The following PCDHGB1 variants were observed in gnomAD, a reference collection of about 807,000 sequenced individuals.
PCDHGB1 encodes protocadherin gamma subfamily B, 1.
In PCDHGB1, 34 loss-of-function variants were observed where a neutral mutation model predicts 56.6. The observed-to-expected ratio is 0.60, with a 90% CI of 0.46 to 0.80. The LOEUF is 0.80. PCDHGB1 is among the 30% of genes least tolerant of loss of function. PCDHGB1 has a pLI of 0.00. For missense variants in PCDHGB1, 1,278 were observed against 1,204.6 expected (o/e 1.06, Z -0.90); for synonymous variants, 561 against 505.9 (o/e 1.11, Z -1.46).
At chr5:141,467,393 T>C (rs1409255781) in intron 1 of PCDHGB1, among the ~76,000 whole-genome samples, 3 of 152,124 alleles carry the variant, frequency 2.0e-5, no homozygotes, top group African/African-American at 7.2e-5. Flanking sequence ...TTTTAAGTCA[T>C]AGTTAGAAAG....
Position 141,355,516 on chromosome 5 carries a change from C to T in PCDHGB1, c.2409+2847C>T, listed in dbSNP as rs201107501. On this transcript the variant is annotated intron_variant, in intron 1 of 3. Coordinates refer to ENST00000523390, the MANE Select transcript of PCDHGB1 (RefSeq NM_018922.3). ...CAGATCTCCAAACTGTGTGACAAAC[C>T]TGGAGATTCTTCTAGAAGATACAGT... 1.3e-3 allele frequency: 2,116 copies of T among 1,614,044 alleles called. 6 individuals are homozygous for T. The highest frequency in any genetic ancestry group is 2.2e-3 in the South Asian group (197 of 91,082).
chr5:141,507,736 G>A (rs1562231670), intron 3 of PCDHGB1, among the ~76,000 whole-genome samples: 1 of 152,240 alleles, frequency 6.6e-6, no homozygotes. Flanking sequence ...CATGCAGCTC[G>A]TTCCCCTGTC....
intron 1 of PCDHGB1, chr5:141,357,247 G>C (rs11575951): frequency 0.023 from 36,857 of 1,613,696 alleles, 965 homozygotes; most frequent in African/African-American, 0.14. Flanking sequence ...GCCTTCAGCA[G>C]ACCCAGACGA....
chr5:141,398,345 C>T (rs1442407908), intron 1 of PCDHGB1: 29 of 1,379,896 alleles, frequency 2.1e-5, no homozygotes, highest in Non-Finnish European at 2.8e-5. Context: ...TCGGAGAAGC[C>T]TTACTTCACC....
intron 1 of PCDHGB1, chr5:141,362,467 C>A (rs771966305): frequency 6.2e-7 from 1 of 1,614,052 alleles, no homozygotes; most frequent in South Asian, 1.1e-5. Flanking sequence ...GGTTCCCGCG[C>A]AAGATCTCGT....
intron 1 of PCDHGB1, chr5:141,388,912 C>T: frequency 6.2e-7 from 1 of 1,613,946 alleles, no homozygotes; most frequent in Non-Finnish European, 8.5e-7. Flanking sequence ...GACAACGCCC[C>T]AGAAGTGATA....
At chr5:141,451,880 A>G (rs1322052501) in intron 1 of PCDHGB1, among the ~76,000 whole-genome samples, 1 of 152,106 alleles carries the variant, frequency 6.6e-6, no homozygotes, top group East Asian at 1.9e-4. Flanking sequence ...AACCCTGTCA[A>G]GAAAGAAAGG....
intron 1 of PCDHGB1, among the ~76,000 whole-genome samples, chr5:141,466,613 C>T (rs772278295): frequency 1.2e-4 from 19 of 152,144 alleles, no homozygotes; most frequent in Non-Finnish European, 2.4e-4. Context: ...TGTAAACTGC[C>T]GTTTTCTTTG....
chr5:141,428,037 C>G lies in PCDHGB1; in HGVS notation c.2410-66770C>G, dbSNP rs762273592. 3.7e-6 allele frequency: 6 copies of G among 1,608,340 alleles called. No homozygotes were observed. In the African/African-American group the frequency reaches 8.0e-5, roughly 21 times the overall value. ...GCCACGCGCCGCAGAGTCCGGCTACCTGGTGACCAAGGTGGTGGCGGTGGA... is the reference window on the plus strand; with the variant it reads ...GCCACGCGCCGCAGAGTCCGGCTACGTGGTGACCAAGGTGGTGGCGGTGGA... On this transcript the variant is annotated intron_variant, in intron 1 of 3. Coordinates refer to ENST00000523390, the MANE Select transcript of PCDHGB1 (RefSeq NM_018922.3).
chr5:141,371,682 C>G, intron 1 of PCDHGB1: 4 of 1,614,036 alleles, frequency 2.5e-6, no homozygotes, highest in Non-Finnish European at 2.5e-6. Flanking sequence ...CAAAGGCAAT[C>G]CACCGCTCTC....
intron 1 of PCDHGB1, chr5:141,357,612 T>C: frequency 6.2e-7 from 1 of 1,613,924 alleles, no homozygotes; most frequent in Non-Finnish European, 8.5e-7. Context: ...AAGGAGACCC[T>C]AATCTTCAGG....
chr5:141,409,571 T>TACGTGGTCC (rs2095286242), intron 1 of PCDHGB1: 2 of 1,613,932 alleles, frequency 1.2e-6, no homozygotes, highest in East Asian at 4.5e-5. Context: ...CCAGACGTCC[T>TACGTGGTCC]ACGTGGTCCA....
chr5:141,430,659 G>A, intron 1 of PCDHGB1: 1 of 1,110,600 alleles, frequency 9.0e-7, no homozygotes, highest in Non-Finnish European at 1.2e-6. Context: ...AACAACGGAG[G>A]AGCTCTGACT....
At chr5:141,410,404 G>A (rs79498912) in intron 1 of PCDHGB1, 32,650 of 1,614,014 alleles carry the variant, frequency 0.02, 588 homozygotes, top group African/African-American at 0.088. Context: ...TCTGTGTCAA[G>A]TCTGGACCTG....
intron 1 of PCDHGB1, chr5:141,365,574 C>T: frequency 1.9e-6 from 3 of 1,613,636 alleles, no homozygotes; most frequent in South Asian, 1.1e-5. Context: ...AGAGAAGAGA[C>T]TTCAGATTAT....
intron 1 of PCDHGB1, chr5:141,422,579 C>T: frequency 6.2e-7 from 1 of 1,614,052 alleles, no homozygotes; most frequent in Non-Finnish European, 8.5e-7. Flanking sequence ...GATAACCCTC[C>T]CGTTTTTCCT....
intron 3 of PCDHGB1, chr5:141,508,084 T>A (rs1422530110): frequency 6.6e-6 from 1 of 152,432 alleles, no homozygotes; most frequent in East Asian, 1.9e-4. Flanking sequence ...CTGGAGTTGC[T>A]GCCTTGGCCC....
chr5:141,375,829 A>G, intron 1 of PCDHGB1: 1 of 1,614,140 alleles, frequency 6.2e-7, no homozygotes, highest in African/African-American at 1.3e-5. Context: ...CCCGCTCCGC[A>G]GAGCCCGGCT....
chr5:141,483,573 G>A (rs2099583012), intron 1 of PCDHGB1, among the ~76,000 whole-genome samples: 1 of 152,072 alleles, frequency 6.6e-6, no homozygotes, highest in Non-Finnish European at 1.5e-5. Context: ...GTGAATTCTG[G>A]CATAAACACC....
Sources: allele counts gnomAD v4.1 joint callset (sites outside exome capture counted in the v4.1 genomes callset), GRCh38; gene constraint gnomAD v4.1.1; transcripts MANE v1.5; gene names NCBI Gene and HGNC (gene_info 2026-07-23, HGNC 2026-07-21).